The following NHSL3 variants were observed in gnomAD, a reference collection of about 807,000 sequenced individuals.
NHSL3 encodes NHS like 3, also known as NHS-like protein 3.
chr1:32,744,467 AT>A, the NHSL3 span, among the ~76,000 whole-genome samples: 9 of 152,194 alleles, frequency 5.9e-5, no homozygotes, highest in African/African-American at 2.2e-4. Flanking sequence ...GACCAAACGG[AT>A]TTAAACTCAA....
At chr1:32,769,827 G>A in the NHSL3 span, 2 of 1,610,864 alleles carry the variant, frequency 1.2e-6, no homozygotes, top group Non-Finnish European at 1.7e-6. Flanking sequence ...GGTGGGTGGG[G>A]AGCCTTGGTC....
At chr1:32,742,039 T>C in the NHSL3 span, 11 of 1,257,912 alleles carry the variant, frequency 8.7e-6, no homozygotes, top group South Asian at 1.5e-4. Flanking sequence ...GAAGTCCCGC[T>C]CCGGCGCGTC....
At chr1:32,772,465 A>G in the NHSL3 span, 1 of 1,507,090 alleles carries the variant, frequency 6.6e-7, no homozygotes, top group Non-Finnish European at 8.9e-7. Context: ...TGCTAGGGTG[A>G]GGTCCCATTG....
chr1:32,741,981 AC>A, the NHSL3 span: 1 of 1,172,466 alleles, frequency 8.5e-7, no homozygotes, highest in Non-Finnish European at 1.1e-6. The surrounding 1 kb of genome is among the most constrained non-coding windows in gnomAD (Gnocchi z 4.3). Flanking sequence ...CCCCCGCCGC[AC>A]CTGCGGCCGA....
chr1:32,770,082 G>T, the NHSL3 span: 3 of 1,558,608 alleles, frequency 1.9e-6, no homozygotes, highest in Non-Finnish European at 2.6e-6. This position sits in a 1 kb window ranked among gnomAD's most constrained non-coding sequence, Gnocchi z 8.3. Context: ...GTGTCTACCG[G>T]GATGACACCT....
chr1:32,753,975 G>C, the NHSL3 span: 2,178 of 363,082 alleles, frequency 6.0e-3, 12 homozygotes, highest in Non-Finnish European at 7.3e-3. Flanking sequence ...GCTGGGGCTG[G>C]GGGCGCCCGC....
the NHSL3 span, among the ~76,000 whole-genome samples, chr1:32,745,578 AT>A: frequency 2.5e-3 from 337 of 134,026 alleles, 1 homozygote; most frequent in African/African-American, 7.5e-3. Context: ...AAAAAAAAAA[AT>A]GGACAACTCT....
chr1:32,754,013 C>T, the NHSL3 span: 2 of 471,820 alleles, frequency 4.2e-6, no homozygotes, highest in East Asian at 7.6e-5. Flanking sequence ...CTCGCTGCCT[C>T]CCTCCCGGGG....
chr1:32,760,724 G>A, the NHSL3 span, among the ~76,000 whole-genome samples: 10 of 151,998 alleles, frequency 6.6e-5, no homozygotes, highest in Non-Finnish European at 1.0e-4. Flanking sequence ...CTGAGTAGCC[G>A]GGATTACAGG....
chr1:32,772,044 G>T, the NHSL3 span: 1 of 1,607,754 alleles, frequency 6.2e-7, no homozygotes, highest in Non-Finnish European at 8.5e-7. Context: ...CCAACGGACC[G>T]CCTGAGGCAG....
chr1:32,767,955 A>G, the NHSL3 span: 1 of 1,613,108 alleles, frequency 6.2e-7, no homozygotes, highest in African/African-American at 1.3e-5. Flanking sequence ...CTACAACACC[A>G]AGGTAAGCTT....
chr1:32,769,895 G>A, the NHSL3 span: 9 of 1,609,438 alleles, frequency 5.6e-6, no homozygotes, highest in South Asian at 5.5e-5. Flanking sequence ...AGGAATGAGC[G>A]TGAGGCACCA....
the NHSL3 span, chr1:32,772,769 T>G: frequency 1.6e-6 from 2 of 1,214,540 alleles, no homozygotes; most frequent in Non-Finnish European, 2.4e-6. Flanking sequence ...ATCAAAGCGG[T>G]AAGAAGGTTG....
the NHSL3 span, chr1:32,772,235 C>T: frequency 1.2e-6 from 2 of 1,606,342 alleles, no homozygotes; most frequent in Non-Finnish European, 1.7e-6. Flanking sequence ...AAGAAGTCAC[C>T]TAAGGCTCCC....
At chr1:32,757,656 T>A in the NHSL3 span, among the ~76,000 whole-genome samples, 1 of 152,174 alleles carries the variant, frequency 6.6e-6, no homozygotes, top group Admixed American at 6.5e-5. Context: ...AATTCATTTG[T>A]CCTTTGTCCT....
the NHSL3 span, among the ~76,000 whole-genome samples, chr1:32,759,519 G>T: frequency 2.0e-5 from 3 of 152,182 alleles, no homozygotes. Context: ...GTGCACTACT[G>T]CCTGTTCCCC....
the NHSL3 span, chr1:32,770,664 G>A: frequency 6.6e-7 from 1 of 1,525,362 alleles, no homozygotes; most frequent in Non-Finnish European, 8.8e-7. The surrounding 1 kb of genome is among the most constrained non-coding windows in gnomAD (Gnocchi z 8.3). Flanking sequence ...GTAAGCTGAA[G>A]CGGCCTCCAC....
At chr1:32,742,390 C>T in the NHSL3 span, among the ~76,000 whole-genome samples, 2 of 152,210 alleles carry the variant, frequency 1.3e-5, no homozygotes, top group African/African-American at 2.4e-5. Flanking sequence ...TCCTGCCCCG[C>T]TGTGAGGGGA....
chr1:32,767,962 G>A, the NHSL3 span: 1 of 1,612,780 alleles, frequency 6.2e-7, no homozygotes, highest in Non-Finnish European at 8.5e-7. Context: ...ACCAAGGTAA[G>A]CTTCCTCTCC....
Sources: allele counts gnomAD v4.1 joint callset (sites outside exome capture counted in the v4.1 genomes callset), GRCh38; gene constraint gnomAD v4.1.1; non-coding constraint Gnocchi (gnomAD v3.1); transcripts MANE v1.5; gene names NCBI Gene and HGNC (gene_info 2026-07-23, HGNC 2026-07-21).